Variants in DLG2 observed in about 807,000 individuals in gnomAD.
The protein encoded by DLG2 is discs large MAGUK scaffold protein 2.
In DLG2, 45 loss-of-function variants were observed where a neutral mutation model predicts 132.5. That is an observed-to-expected ratio of 0.34 (90% CI 0.27 to 0.44). DLG2 has a LOEUF of 0.44. DLG2 is among the 20% of genes least tolerant of loss of function. DLG2 has a pLI of 1.00. For missense variants in DLG2, 1,045 were observed against 1,196.9 expected (o/e 0.87, Z 1.87); for synonymous variants, 424 against 419.6 (o/e 1.01, Z -0.13).
intron 4 of DLG2, among the ~76,000 whole-genome samples, chr11:85,246,973 C>T (rs920304346): frequency 6.6e-6 from 1 of 152,108 alleles, no homozygotes; most frequent in Non-Finnish European, 1.5e-5. Context: ...TGAACATATA[C>T]AAGCTGGAAT....
At chr11:84,504,391 C>T (rs960638771) in intron 7 of DLG2, among the ~76,000 whole-genome samples, 6 of 152,180 alleles carry the variant, frequency 3.9e-5, no homozygotes, top group Admixed American at 3.9e-4. Context: ...AGAACCCATT[C>T]TGGGTATTAC....
chr11:85,127,256 CTCTCTT>C, intron 5 of DLG2, among the ~76,000 whole-genome samples: 1 of 123,874 alleles, frequency 8.1e-6, no homozygotes, highest in Non-Finnish European at 1.7e-5. Context: ...CCCACCCACT[CTCTCTT>C]TCTATCTCTC....
At chr11:85,321,084 G>C (rs2081035078) in intron 3 of DLG2, among the ~76,000 whole-genome samples, 1 of 151,886 alleles carries the variant, frequency 6.6e-6, no homozygotes, top group African/African-American at 2.4e-5. Context: ...GAGCACTCTA[G>C]GTAAGAGATG....
At chr11:83,937,505 CT>C (rs1206138263) in intron 14 of DLG2, among the ~76,000 whole-genome samples, 10 of 26,320 alleles carry the variant, frequency 3.8e-4, no homozygotes, top group Admixed American at 2.7e-3. Context: ...GAGACTCCAT[CT>C]CAAAAAAAAA....
At chr11:85,353,999 G>C (rs2083496662) in intron 3 of DLG2, among the ~76,000 whole-genome samples, 2 of 149,290 alleles carry the variant, frequency 1.3e-5, no homozygotes, top group African/African-American at 4.9e-5. Context: ...AAAAAAAAAA[G>C]AAATTCCTTA....
At chr11:84,317,218 C>T in intron 7 of DLG2, 1 of 1,527,138 alleles carries the variant, frequency 6.5e-7, no homozygotes, top group Middle Eastern at 1.8e-4. Context: ...CCCCTTTCTT[C>T]CAGCCAGTTG....
intron 16 of DLG2, among the ~76,000 whole-genome samples, chr11:83,845,098 G>T (rs1333451680): frequency 2.6e-5 from 4 of 151,968 alleles, no homozygotes; most frequent in African/African-American, 9.7e-5. Flanking sequence ...CCCAGATCTA[G>T]TATAACGACA....
intron 3 of DLG2, among the ~76,000 whole-genome samples, chr11:85,378,563 T>C (rs951096719): frequency 1.3e-5 from 2 of 152,110 alleles, no homozygotes; most frequent in African/African-American, 2.4e-5. Context: ...TAAATATATA[T>C]ATAGATAGAT....
At chr11:84,316,376 G>C (rs1247162884) in intron 7 of DLG2, among the ~76,000 whole-genome samples, 3 of 152,034 alleles carry the variant, frequency 2.0e-5, no homozygotes, top group Admixed American at 6.6e-5. Context: ...AGTAAAATTA[G>C]AATAGCATAC....
rs2089406460 is a variant in DLG2 at position 83,458,937 on chromosome 11, C to T, written c.*881G>A. 6.6e-6 allele frequency: 1 copy of T among 152,196 alleles called. No individual in the cohort carries two copies. The highest frequency in any genetic ancestry group is 1.5e-5 in the Non-Finnish European group (1 of 68,034). The allele number at this position is 152,196 out of a possible 1,614,324, so 9.4% of individuals were successfully genotyped here. A position where few individuals can be genotyped will look rare whatever the true frequency, so the allele number is the denominator to read the frequency against. The stretch of plus-strand genomic sequence containing the variant: ...GTCAGACTTAAAAGGAACTCAGATG[C>T]TCTTAACAGATCATTGGCAACAAAA... On this transcript the variant is annotated 3_prime_UTR_variant, in exon 28 of 28. Transcript: ENST00000376104.
intron 6 of DLG2, among the ~76,000 whole-genome samples, chr11:84,790,246 T>C (rs997675117): frequency 6.6e-6 from 1 of 152,210 alleles, no homozygotes; most frequent in Non-Finnish European, 1.5e-5. Flanking sequence ...TCTCCAGCAT[T>C]TGTTATTGCC....
At chr11:85,551,227 C>A (rs1598452672) in intron 3 of DLG2, among the ~76,000 whole-genome samples, 1 of 149,468 alleles carries the variant, frequency 6.7e-6, no homozygotes, top group Admixed American at 6.6e-5. Context: ...CTTCAAAGGT[C>A]AATTTGTATT....
At chr11:84,944,922 G>T (rs529115631) in intron 6 of DLG2, among the ~76,000 whole-genome samples, 4 of 152,312 alleles carry the variant, frequency 2.6e-5, no homozygotes, top group African/African-American at 9.6e-5. Context: ...TTATCTGGTA[G>T]GATTCTGAAT....
chr11:83,559,825 G>A (rs927125998), intron 19 of DLG2, among the ~76,000 whole-genome samples: 1 of 152,166 alleles, frequency 6.6e-6, no homozygotes, highest in African/African-American at 2.4e-5. Context: ...AGCCAAATTG[G>A]ATGCTAAAGA....
intron 2 of DLG2, among the ~76,000 whole-genome samples, chr11:85,617,417 T>C (rs1892872): frequency 0.11 from 17,477 of 152,256 alleles, 1,271 homozygotes; most frequent in East Asian, 0.29. Flanking sequence ...TCCTTGTCTG[T>C]TTTCTTGACA....
At chr11:84,208,736 G>C (rs185979014) in intron 8 of DLG2, among the ~76,000 whole-genome samples, 2 of 152,168 alleles carry the variant, frequency 1.3e-5, no homozygotes, top group Non-Finnish European at 2.9e-5. Flanking sequence ...AAAAGGAAGT[G>C]TACACTGTAC....
Position 83,965,506 on chromosome 11 carries a change from T to A in DLG2, c.1057-38A>T, listed in dbSNP as rs745864497. 3 of 1,528,210 alleles carry A rather than the reference T, an allele frequency of 2.0e-6. No individual in the cohort carries two copies. In the South Asian group the frequency reaches 3.7e-5, roughly 19 times the overall value. The allele number at this position is 1,528,210 out of a possible 1,614,324, so 94.7% of individuals were successfully genotyped here. ...AAAAGATCAATATTAGAGTTAAATC[T>A]ATGGAGCAGAAGAAAAATATTCAGG... On this transcript the variant is annotated intron_variant, in intron 12 of 27. Transcript: ENST00000376104.
At chr11:85,610,724 G>A (rs1322460043) in intron 2 of DLG2, among the ~76,000 whole-genome samples, 4 of 152,204 alleles carry the variant, frequency 2.6e-5, no homozygotes, top group African/African-American at 7.2e-5. Context: ...AGGCATCTAG[G>A]TCAAAGGCCC....
intron 3 of DLG2, among the ~76,000 whole-genome samples, chr11:85,472,291 G>A (rs2093009003): frequency 6.6e-6 from 1 of 151,918 alleles, no homozygotes; most frequent in Admixed American, 6.6e-5. Context: ...TCTCAACTGA[G>A]AACTGTTTTT....
Sources: allele counts gnomAD v4.1 joint callset (sites outside exome capture counted in the v4.1 genomes callset), GRCh38; gene constraint gnomAD v4.1.1; transcripts MANE v1.5; gene names NCBI Gene and HGNC (gene_info 2026-07-23, HGNC 2026-07-21).